The following PGAP6 variants were observed in gnomAD, a reference collection of about 807,000 sequenced individuals.
PGAP6 encodes the protein post-GPI attachment to proteins 6.
A neutral mutation model predicts 68.4 loss-of-function variants in PGAP6; 62 were observed. The observed-to-expected ratio is 0.91, with a 90% CI of 0.74 to 1.12. The LOEUF (loss-of-function observed/expected upper bound fraction) is 1.12. PGAP6 is among the 50% of genes most tolerant of loss of function. The pLI, the probability that PGAP6 is intolerant of heterozygous loss-of-function variation, is 0.00. For synonymous variants in PGAP6, 575 were observed against 474.0 expected (o/e 1.21, Z -2.77); for missense variants, 1,188 against 1,068.5 (o/e 1.11, Z -1.56).
rs374633293 is a variant in PGAP6, at chr16:377,652, C to T, written c.299+19G>A. On this transcript the variant is annotated intron_variant, in intron 2 of 12. Transcript: ENST00000431232. ...GGCCAGGCGCGGGAGGGTGGGCAGG[C>T]GGGCGGGCAGCCACCTACACGGTGA... 314 of 1,571,142 alleles carry T rather than the reference C, an allele frequency of 2.0e-4. No individual in the cohort carries two copies. In the African/African-American group the frequency reaches 2.3e-3, roughly 12 times the overall value.
Position 372,266 on chromosome 16 carries a change from G to A in PGAP6, c.2037C>T (p.His679=), listed in dbSNP as rs150786218. ...ACGAGGTGGGGTAGCACTGGCGCCGGTGCCCGCAGCGGTAAGCCTGGAGAA... is the reference window on the plus strand; with the variant it reads ...ACGAGGTGGGGTAGCACTGGCGCCGATGCCCGCAGCGGTAAGCCTGGAGAA... The part of the protein sequence containing the change: ...MASMWAYRCG[H]RRQCYPTSWQ... The change falls in exon 13 of 13, where the codon CAC becomes CAT. Residue 679 remains histidine, a synonymous_variant. Coordinates refer to ENST00000431232, the MANE Select transcript of PGAP6 (RefSeq NM_021259.3). 2.3e-3 allele frequency: 3,767 copies of A among 1,610,404 alleles called. 8 individuals carry two copies. The highest frequency in any genetic ancestry group is 3.8e-3 in the Middle Eastern group (22 of 5,866).
rs150713114 is a variant in PGAP6 at position 377,699 on chromosome 16, C to T, written c.271G>A (p.Ala91Thr). Residue 91 changes from alanine (A) to threonine (T), a missense_variant, in exon 2 of 13, where the codon GCT (alanine) becomes ACT (threonine). Physicochemically the swap from Ala to Thr is moderately conservative, Grantham distance 58 (BLOSUM62 0). Transcript: ENST00000431232. The part of the protein sequence containing the change: ...WLLQVSRESG[A>T]ACTDAEITVH... The stretch of plus-strand genomic sequence containing the variant: ...GTGATCTCCGCGTCGGTGCAGGCAG[C>T]GCCGCTCTCCCGGGAGACCTGCAGG... The T allele has an allele frequency of 2.4e-5, 38 of 1,591,802 alleles. No individual in the cohort carries two copies. The highest frequency in any genetic ancestry group is 1.7e-4 in the Middle Eastern group (1 of 5,972).
rs145211537 is a variant in PGAP6 at position 377,147 on chromosome 16, A to C, written c.525T>G (p.Cys175Trp). The C allele has an allele frequency of 3.1e-4, 504 of 1,613,418 alleles. No homozygotes were observed. Among genetic ancestry groups the C allele is most frequent in the Non-Finnish European group, 4.0e-4 (476 of 1,180,018 alleles). Residue 175 changes from cysteine to tryptophan, a missense_variant, in exon 4 of 13, where the codon TGT (cysteine) becomes TGG (tryptophan). Coordinates refer to ENST00000431232, the MANE Select transcript of PGAP6 (RefSeq NM_021259.3). ...KIELKGLAPT[C>W]AYVFQPELLV... is the part of the protein sequence containing the mutation. ...GCAGTTCAGGCTGGAAGACGTAGGC[A>C]CAGGTGGGAGCCAAGCCCTAGGGAA...
At chr16:373,392 G>A (rs1032667041) in intron 11 of PGAP6, among the ~76,000 whole-genome samples, 1 of 152,160 alleles carries the variant, frequency 6.6e-6, no homozygotes, top group Non-Finnish European at 1.5e-5. Context: ...TGGCCCCAAG[G>A]ACCCAGGGAG....
upstream of PGAP6, among the ~76,000 whole-genome samples, chr16:383,838 G>A (rs974641641): frequency 1.6e-4 from 21 of 134,188 alleles, no homozygotes; most frequent in Admixed American, 3.8e-4. Context: ...CGCAGCGGGT[G>A]GTGAGGGTTT....
At chr16:382,392 T>TGCCCC (rs1053860416), upstream of PGAP6, 2 of 371,522 alleles carry the variant, frequency 5.4e-6, no homozygotes, top group African/African-American at 2.1e-5. Flanking sequence ...CGCCCTGCCC[T>TGCCCC]GCCCCGCCCG....
rs767973759 is a variant in PGAP6, at chr16:377,021, C to G, written c.635+16G>C. ...CCGGAGGGCAGAGCCGGGCTGCCCC[C>G]CAGGCCCCCGCTCACTTGAGGTAGC... On this transcript the variant is annotated intron_variant, in intron 4 of 12. Transcript: ENST00000431232. 2.5e-6 allele frequency: 4 copies of G among 1,612,248 alleles called. No individual in the cohort carries two copies. The highest frequency in any genetic ancestry group is 2.2e-5 in the South Asian group (2 of 91,066).
chr16:386,955 AC>A, upstream of PGAP6: 1 of 572,168 alleles, frequency 1.7e-6, no homozygotes, highest in East Asian at 4.4e-5. Flanking sequence ...TTGGAAGAGC[AC>A]CCCCAGGAGA....
In PGAP6 at chr16:374,050, C is replaced by A. The variant is rs538237652; in HGVS notation, c.1857G>T (p.Trp619Cys). ...GCCGTGCCATGCACAGGATGGTGAC[C>A]CAGATGGCCGCCCCGGAGCCCAAGA... Reference protein sequence around the residue: ...CDFLGSGAAIWVTILCMARLK... With the variant: ...CDFLGSGAAICVTILCMARLK... The change falls in exon 11 of 13, where the codon TGG becomes TGT. Residue 619 changes from tryptophan (W) to cysteine (C), a missense_variant. Trp to Cys is a radical substitution (Grantham distance 215, BLOSUM62 -2). Transcript: ENST00000431232. 1.9e-6 allele frequency: 3 copies of A among 1,611,890 alleles called. No individual in the cohort carries two copies. The East Asian group carries it at 6.7e-5, about 36-fold the overall frequency.
In PGAP6 at chr16:377,430, T is replaced by C; in HGVS notation, c.455A>G (p.Asp152Gly). The C allele has an allele frequency of 1.2e-6, 2 of 1,608,984 alleles. No homozygotes were observed. The highest frequency in any genetic ancestry group is 1.7e-6 in the Non-Finnish European group (2 of 1,178,402). The change falls in exon 3 of 13, where the codon GAC becomes GGC. Residue 152 changes from aspartate (D) to glycine (G), a missense_variant. Coordinates refer to ENST00000431232, the MANE Select transcript of PGAP6 (RefSeq NM_021259.3). ...SVNVSHPAPG[D>G]WFVAAHLPPS... The stretch of plus-strand genomic sequence containing the variant: ...GGGCAGGTGGGCGGCCACGAACCAG[T>C]CCCCGGGGGCCGGGTGGGAAACGTT...
intron 1 of PGAP6, among the ~76,000 whole-genome samples, chr16:380,347 G>A (rs1209660436): frequency 6.6e-6 from 1 of 151,402 alleles, no homozygotes; most frequent in Non-Finnish European, 1.5e-5. Flanking sequence ...CCACACCCAG[G>A]TTATTTTTTT....
chr16:374,181 G>A (rs763557408), intron 10 of PGAP6, 30 bp from the exon 11 acceptor site: 1 of 1,610,484 alleles, frequency 6.2e-7, no homozygotes, highest in Non-Finnish European at 8.5e-7. Flanking sequence ...GCGCGGTCCT[G>A]CCCTCCCACC....
rs201437751 is a variant in PGAP6, at chr16:374,142, C to G, written c.1765G>C (p.Ala589Pro). ...ACCGCCTCCCCGGGCTGGTCGCAGG[C>G]GTGGTAGAACTGTGGGGAGGCTCCA... Reference protein sequence around the residue: ...YTMFFSTFYHACDQPGEAVLC... With the variant: ...YTMFFSTFYHPCDQPGEAVLC... Residue 589 changes from alanine (A) to proline (P), a missense_variant, in exon 11 of 13, where the codon GCC (alanine) becomes CCC (proline). Coordinates refer to ENST00000431232, the MANE Select transcript of PGAP6 (RefSeq NM_021259.3). The G allele has an allele frequency of 6.2e-7, 1 of 1,610,914 alleles. No individual in the cohort carries two copies. The highest frequency in any genetic ancestry group is 8.5e-7 in the Non-Finnish European group (1 of 1,179,922).
chr16:375,533 C>CTTTT (rs373943287), intron 6 of PGAP6, 98 bp from the exon 7 acceptor site: 22 of 751,560 alleles, frequency 2.9e-5, no homozygotes, highest in African/African-American at 3.7e-5. Context: ...TGGTGCCTTT[C>CTTTT]TTTTTTTTTT....
chr16:376,362 G>C lies in PGAP6; in HGVS notation c.998C>G (p.Pro333Arg). ...ACTCCTGCCCAGGTCCTGGTGGTCG[G>C]GGCTCGGGGACAGCAGACCAGAGGA... ...NASSGLLSPS[P>R]DHQDLGRSGR... The change falls in exon 6 of 13, where the codon CCC (proline) becomes CGC (arginine). Residue 333 changes from proline (P) to arginine (R), a missense_variant. Physicochemically the swap from Pro to Arg is moderately radical, Grantham distance 103. Transcript: ENST00000431232. 1 of 1,612,090 alleles carries C rather than the reference G, an allele frequency of 6.2e-7. No individual in the cohort carries two copies.
At chr16:375,279 C>T (rs2054371760) in intron 7 of PGAP6, 23 bp from the exon 8 acceptor site, 1 of 1,612,636 alleles carries the variant, frequency 6.2e-7, no homozygotes, top group Non-Finnish European at 8.5e-7. Flanking sequence ...CAGAGGGCCC[C>T]ATCAGAGGAG....
At chr16:377,187 C>T (rs1025148294) in intron 3 of PGAP6, 23 bp from the exon 4 acceptor site, 20 of 1,612,400 alleles carry the variant, frequency 1.2e-5, no homozygotes, top group African/African-American at 2.7e-5. Context: ...CAGGTGTGGG[C>T]GGGGGCGGTG....
In PGAP6 at chr16:377,753, G is replaced by A. The variant is rs971314735; in HGVS notation, c.217C>T (p.Pro73Ser). The A allele has an allele frequency of 2.5e-6, 4 of 1,593,446 alleles. No homozygotes were observed. Among genetic ancestry groups the A allele is most frequent in the South Asian group, 1.1e-5 (1 of 88,090 alleles). The change falls in exon 2 of 13, where the codon CCC becomes TCC. Residue 73 changes from proline to serine, a missense_variant. Pro to Ser is a moderately conservative substitution (Grantham distance 74). Transcript: ENST00000431232. ...GSARLFRFRV[P>S]PDAVLLRWLL... ...CAGCGTAGAAGCACAGCATCTGGGG[G>A]CACGCGGAAGCGGAAGAGCCTGGCA...
intron 1 of PGAP6, among the ~76,000 whole-genome samples, 194 bp downstream of exon 1, chr16:381,507 C>A (rs1230806821): frequency 6.6e-6 from 1 of 152,144 alleles, no homozygotes; most frequent in African/African-American, 2.4e-5. Context: ...GGAGGAAGCG[C>A]GGGGTCCCGT....
Sources: allele counts gnomAD v4.1 joint callset (sites outside exome capture counted in the v4.1 genomes callset), GRCh38; gene constraint gnomAD v4.1.1; transcripts MANE v1.5; gene names NCBI Gene and HGNC (gene_info 2026-07-23, HGNC 2026-07-21).